The following SORCS3 variants were observed in gnomAD, a reference collection of about 807,000 sequenced individuals.
The protein encoded by SORCS3 is VPS10 domain-containing receptor SorCS3.
A neutral mutation model predicts 146.3 loss-of-function variants in SORCS3; 57 were observed. The observed-to-expected ratio is 0.39, with a 90% CI of 0.31 to 0.49. The LOEUF (loss-of-function observed/expected upper bound fraction) is 0.49, where lower values mean the gene tolerates loss of function less well. Ranked by LOEUF, SORCS3 falls within the 20% of genes least tolerant of loss-of-function variation. SORCS3 has a pLI of 0.92. For synonymous variants in SORCS3, 653 were observed against 618.5 expected, an observed-to-expected ratio of 1.06 and a Z score of -0.83; for missense variants, 1,341 against 1,575.5, an observed-to-expected ratio of 0.85 and a Z score of 2.52.
At chr10:104,756,414 A>G (rs1391022687) in intron 1 of SORCS3, among the ~76,000 whole-genome samples, 3 of 152,214 alleles carry the variant, frequency 2.0e-5, no homozygotes, top group East Asian at 1.9e-4. Context: ...ATTTTTATCT[A>G]TAAAGTTGGA....
chr10:104,988,764 T>C (rs1255860132), intron 4 of SORCS3, among the ~76,000 whole-genome samples: 1 of 152,210 alleles, frequency 6.6e-6, no homozygotes, highest in Non-Finnish European at 1.5e-5. Flanking sequence ...ACAGATATAG[T>C]GTTTGTTCAA....
intron 1 of SORCS3, among the ~76,000 whole-genome samples, chr10:104,778,025 G>T (rs1056283059): frequency 6.6e-6 from 1 of 152,080 alleles, no homozygotes. Context: ...AATACAGTTA[G>T]ATAGAAGGAA....
At chr10:104,951,818 GC>G (rs2019433956) in intron 3 of SORCS3, among the ~76,000 whole-genome samples, 1 of 152,124 alleles carries the variant, frequency 6.6e-6, no homozygotes, top group Admixed American at 6.6e-5. Flanking sequence ...TTATAATTCA[GC>G]CATTCTCCAT....
intron 6 of SORCS3, among the ~76,000 whole-genome samples, chr10:105,090,766 C>T (rs945222360): frequency 8.6e-5 from 13 of 151,940 alleles, no homozygotes; most frequent in Admixed American, 2.6e-4. Flanking sequence ...CATCCTTGCC[C>T]GGAGCACCTC....
intron 1 of SORCS3, among the ~76,000 whole-genome samples, chr10:104,727,545 G>GTGTATATA (rs577859799): frequency 6.8e-6 from 1 of 147,882 alleles, no homozygotes; most frequent in African/African-American, 2.5e-5. Flanking sequence ...ATGTGTGTGT[G>GTGTATATA]TATATATATA....
intron 4 of SORCS3, among the ~76,000 whole-genome samples, chr10:105,009,532 A>C (rs398046368): frequency 3.2e-3 from 273 of 84,388 alleles, no homozygotes; most frequent in Non-Finnish European, 4.6e-3. Context: ...ACAAACAAAA[A>C]AAAAAAAAAA....
rs547265748 is a variant in SORCS3 at position 105,167,327 on chromosome 10, C to T, written c.1879C>T (p.Pro627Ser). 19 of 1,613,286 alleles carry T rather than the reference C, an allele frequency of 1.2e-5. No individual in the cohort carries two copies. Among genetic ancestry groups the T allele is most frequent in the Admixed American group, 6.7e-5 (4 of 59,946 alleles). ...TGCCCTCGTGGCCATGAAACACACA[C>T]CTCTGCCAGTCAGGCATTTGTGGTA... ...GGALVAMKHT[P>S]LPVRHLWVSF... The change falls in exon 13 of 27, where the codon CCT (proline) becomes TCT (serine). Residue 627 changes from proline (P) to serine (S), a missense_variant. Coordinates refer to ENST00000369701, the MANE Select transcript of SORCS3 (RefSeq NM_014978.3).
chr10:105,252,247 A>C (rs1319296782), intron 22 of SORCS3, among the ~76,000 whole-genome samples: 9 of 152,210 alleles, frequency 5.9e-5, no homozygotes, highest in Admixed American at 5.2e-4. Flanking sequence ...AATATGTATC[A>C]ATTTCTAGCA....
At chr10:105,014,147 TA>T (rs1352568074) in intron 4 of SORCS3, among the ~76,000 whole-genome samples, 2 of 149,424 alleles carry the variant, frequency 1.3e-5, no homozygotes, top group East Asian at 3.9e-4. Context: ...CAACGTAATA[TA>T]AAAAAATTCG....
chr10:105,187,891 A>T (rs944322351), intron 14 of SORCS3, among the ~76,000 whole-genome samples: 2 of 152,204 alleles, frequency 1.3e-5, no homozygotes, highest in African/African-American at 4.8e-5. Context: ...TTCCATCCTC[A>T]GTAGAGGAAA....
chr10:104,813,846 G>A (rs1460956420), intron 1 of SORCS3, among the ~76,000 whole-genome samples: 3 of 151,572 alleles, frequency 2.0e-5, no homozygotes, highest in African/African-American at 7.3e-5. Context: ...TGATCATTTT[G>A]GAAATTCTAA....
chr10:105,021,387 C>T (rs990342051), intron 4 of SORCS3, among the ~76,000 whole-genome samples: 1 of 152,144 alleles, frequency 6.6e-6, no homozygotes, highest in Non-Finnish European at 1.5e-5. Context: ...TCCCATTAGG[C>T]CCCACCTCCC....
At chr10:104,884,948 G>A (rs1165922748) in intron 2 of SORCS3, among the ~76,000 whole-genome samples, 1 of 151,840 alleles carries the variant, frequency 6.6e-6, no homozygotes, top group African/African-American at 2.4e-5. Context: ...TTTGCTTCTA[G>A]ATTGTTTTTC....
intron 3 of SORCS3, among the ~76,000 whole-genome samples, chr10:104,970,785 A>C (rs143209300): frequency 6.7e-4 from 102 of 152,342 alleles, no homozygotes; most frequent in African/African-American, 2.5e-3. Context: ...AGGACTGTGA[A>C]TTTTAGCACT....
At chr10:104,674,100 G>C (rs1018069946) in intron 1 of SORCS3, among the ~76,000 whole-genome samples, 3 of 152,316 alleles carry the variant, frequency 2.0e-5, no homozygotes, top group African/African-American at 7.2e-5. Flanking sequence ...TAGCACCGCA[G>C]AAAGCTCCTT....
chr10:104,927,793 G>C (rs7091169), intron 3 of SORCS3, among the ~76,000 whole-genome samples: 1 of 151,296 alleles, frequency 6.6e-6, no homozygotes, highest in Admixed American at 6.6e-5. Context: ...CAGGAGAATC[G>C]CTTGAACCCG....
In SORCS3 at chr10:104,652,563, A is replaced by G. The variant is rs553080875; in HGVS notation, c.627+10609A>G. 3.3e-5 allele frequency among the ~76,000 whole-genome samples: 5 copies of G among 152,342 alleles called. No homozygotes were observed. The South Asian group carries it at 1.0e-3, about 32-fold the overall frequency. ...CCTTTGACAACAGATTTGAGACCAG[A>G]TGCAGCTCTTGCCTTCTTCTGCCTT... On this transcript the variant is annotated intron_variant, in intron 1 of 26. Transcript: ENST00000369701.
chr10:104,827,195 A>G (rs1391298932), intron 1 of SORCS3, among the ~76,000 whole-genome samples: 1 of 152,222 alleles, frequency 6.6e-6, no homozygotes, highest in African/African-American at 2.4e-5. Flanking sequence ...AATGTTCTTC[A>G]TGACATATGG....
At chr10:104,783,138 C>T (rs975076542) in intron 1 of SORCS3, among the ~76,000 whole-genome samples, 2 of 152,154 alleles carry the variant, frequency 1.3e-5, no homozygotes, top group African/African-American at 4.8e-5. Flanking sequence ...ATAAGACAGC[C>T]TTCCTAATAT....
Sources: allele counts gnomAD v4.1 joint callset (sites outside exome capture counted in the v4.1 genomes callset), GRCh38; gene constraint gnomAD v4.1.1; transcripts MANE v1.5; gene names NCBI Gene and HGNC (gene_info 2026-07-23, HGNC 2026-07-21).